Variants in RELN observed in about 807,000 individuals in gnomAD.
RELN encodes reelin.
RELN carries 108 observed loss-of-function variants against 427.6 expected under a neutral mutation model. That is an observed-to-expected ratio of 0.25 (90% confidence interval 0.22 to 0.30). RELN has a LOEUF of 0.30. RELN is among the 10% of genes least tolerant of loss of function. The pLI, the probability that RELN is intolerant of heterozygous loss-of-function variation, is 1.00. For missense variants in RELN, 3,715 were observed against 4,302.8 expected, an observed-to-expected ratio of 0.86 and a Z score of 3.82; for synonymous variants, 1,524 against 1,513.4, an observed-to-expected ratio of 1.01 and a Z score of -0.16.
At chr7:103,583,260 T>A (rs1028015269) in intron 28 of RELN, among the ~76,000 whole-genome samples, 1 of 152,170 alleles carries the variant, frequency 6.6e-6, no homozygotes, top group Non-Finnish European at 1.5e-5. Flanking sequence ...TCTCAGGGTC[T>A]CCAACTTGCA....
intron 43 of RELN, among the ~76,000 whole-genome samples, chr7:103,541,082 G>T (rs916131700): frequency 6.6e-6 from 1 of 152,090 alleles, no homozygotes; most frequent in African/African-American, 2.4e-5. Context: ...ATGAGTGTGG[G>T]GTGGTGGTGG....
At chr7:103,607,750 TG>T (rs1831852534) in intron 22 of RELN, among the ~76,000 whole-genome samples, 1 of 152,188 alleles carries the variant, frequency 6.6e-6, no homozygotes, top group Non-Finnish European at 1.5e-5. Context: ...CTGACTAAAT[TG>T]TATTTTCCAC....
chr7:103,579,925 ACTTTTT>A (rs1282857608), intron 28 of RELN, among the ~76,000 whole-genome samples: 1 of 152,088 alleles, frequency 6.6e-6, no homozygotes, highest in Non-Finnish European at 1.5e-5. Context: ...AGAGACACCC[ACTTTTT>A]TGCACTCTAC....
At position 103,663,917 on chromosome 7, in the gene RELN, T is replaced by C. The variant is rs187465350; in HGVS notation, c.1290-2390A>G. ...GTCTTATATAGAGGACTGACCTCTA[T>C]GGCCCCAGGTGCCTGTTCCCTTACT... On this transcript the variant is annotated intron_variant, in intron 11 of 64. Coordinates refer to ENST00000428762, the MANE Select transcript of RELN (RefSeq NM_005045.4). Among the ~76,000 whole-genome samples the C allele has an allele frequency of 5.1e-3, 773 of 152,316 alleles. 8 individuals are homozygous for C. The highest frequency in any genetic ancestry group is 0.017 in the African/African-American group (711 of 41,568).
intron 20 of RELN, among the ~76,000 whole-genome samples, chr7:103,616,638 A>G (rs1832085600): frequency 6.6e-6 from 1 of 152,154 alleles, no homozygotes; most frequent in Non-Finnish European, 1.5e-5. Context: ...AAATACTTCC[A>G]GACAGTTTTT....
chr7:103,915,478 A>G (rs1291754732), intron 2 of RELN, among the ~76,000 whole-genome samples: 1 of 152,050 alleles, frequency 6.6e-6, no homozygotes, highest in African/African-American at 2.4e-5. Context: ...ATTTCAAAAA[A>G]TGATCACAGG....
chr7:103,492,836 G>A (rs1341354587), intron 57 of RELN, among the ~76,000 whole-genome samples: 1 of 152,170 alleles, frequency 6.6e-6, no homozygotes, highest in Non-Finnish European at 1.5e-5. Flanking sequence ...AAGAGTGTGA[G>A]AGGTAGAGAT....
At chr7:103,754,601 C>G (rs1245707381) in intron 4 of RELN, among the ~76,000 whole-genome samples, 1 of 127,746 alleles carries the variant, frequency 7.8e-6, no homozygotes, top group Non-Finnish European at 1.8e-5. Flanking sequence ...AGTAGGAGAC[C>G]TCGTCTCTAA....
intron 4 of RELN, among the ~76,000 whole-genome samples, chr7:103,760,319 C>T (rs1791267647): frequency 6.6e-6 from 1 of 151,842 alleles, no homozygotes; most frequent in Non-Finnish European, 1.5e-5. Context: ...GTTGAGCCTG[C>T]CAGAATCTCA....
At chr7:103,575,234 A>G (rs1038301603) in intron 29 of RELN, among the ~76,000 whole-genome samples, 1 of 152,234 alleles carries the variant, frequency 6.6e-6, no homozygotes, top group African/African-American at 2.4e-5. Flanking sequence ...TTAGAATTAA[A>G]GGGGATGAAA....
At chr7:103,486,077 G>C (rs971994832) in intron 61 of RELN, 120 bp downstream of exon 61, 97 of 921,586 alleles carry the variant, frequency 1.1e-4, no homozygotes, top group Non-Finnish European at 1.7e-4. Context: ...CAAATGACAG[G>C]TTTTCACTGC....
At chr7:103,788,963 C>T (rs972628371) in intron 3 of RELN, among the ~76,000 whole-genome samples, 1 of 151,950 alleles carries the variant, frequency 6.6e-6, no homozygotes, top group Non-Finnish European at 1.5e-5. Context: ...TAACCAAAAC[C>T]GCATGGTACT....
At chr7:103,691,087 T>A (rs1833861844) in intron 10 of RELN, among the ~76,000 whole-genome samples, 1 of 152,116 alleles carries the variant, frequency 6.6e-6, no homozygotes, top group Admixed American at 6.6e-5. Context: ...AAGCTGATAG[T>A]GTTATACATC....
At chr7:103,638,791 T>C (rs934377198) in intron 17 of RELN, among the ~76,000 whole-genome samples, 1 of 152,124 alleles carries the variant, frequency 6.6e-6, no homozygotes, top group Non-Finnish European at 1.5e-5. Context: ...AAGAACAATG[T>C]CCAAAAGCAT....
rs147138635 is a variant in RELN, at chr7:103,799,757, C to T, written c.474-23130G>A. 4.6e-5 allele frequency among the ~76,000 whole-genome samples: 7 copies of T among 152,248 alleles called. No individual in the cohort carries two copies. The East Asian group carries it at 1.2e-3, about 25-fold the overall frequency. Reference sequence around the variant, plus strand: ...AATTAAGCGTTCTATTTGTGTATAGCAGAGTGGTGAAGAGCATAGGCCCTG... The same window carrying T: ...AATTAAGCGTTCTATTTGTGTATAGTAGAGTGGTGAAGAGCATAGGCCCTG... On this transcript the variant is annotated intron_variant, in intron 3 of 64. Transcript: ENST00000428762.
chr7:103,566,703 A>C lies in RELN; in HGVS notation c.4645T>G (p.Leu1549Val), dbSNP rs773218130. The stretch of plus-strand genomic sequence containing the variant: ...GGTTCCAGGAAGGACATGAAGTCCA[A>C]CTCTCGAAGCAAATGCCAGAGTATC... ...NGILWHLLRE[L>V]DFMSFLEPQI... Residue 1549 changes from leucine to valine, a missense_variant, in exon 32 of 65, where the codon TTG becomes GTG. Leu to Val is a conservative substitution (Grantham distance 32, BLOSUM62 1). Around this residue, in one of 4 missense-constraint regions of RELN, gnomAD observed 2,208 missense variants for 2,361.7 expected, o/e 0.93. Transcript: ENST00000428762. The C allele has an allele frequency of 3.1e-6, 5 of 1,614,006 alleles. No homozygotes were observed. The highest frequency in any genetic ancestry group is 4.2e-6 in the Non-Finnish European group (5 of 1,179,968).
At chr7:103,975,297 C>T (rs141172469) in intron 1 of RELN, among the ~76,000 whole-genome samples, 12 of 152,276 alleles carry the variant, frequency 7.9e-5, no homozygotes, top group Non-Finnish European at 1.8e-4. Context: ...TGTTTATGCA[C>T]CTGTTGTGTG....
At chr7:103,702,905 G>C (rs1207098488) in intron 8 of RELN, among the ~76,000 whole-genome samples, 1 of 152,150 alleles carries the variant, frequency 6.6e-6, no homozygotes, top group Non-Finnish European at 1.5e-5. Flanking sequence ...TCAGTCCTTT[G>C]AGGAAAAAGC....
rs189311927 is a variant in RELN at position 103,648,561 on chromosome 7, A to G, written c.2002+1713T>C. Among the ~76,000 whole-genome samples the G allele has an allele frequency of 5.3e-5, 8 of 152,244 alleles. No homozygotes were observed. The East Asian group carries it at 1.4e-3, about 26-fold the overall frequency. ...AATGACTAATAGCTCAAAAGCACAG[A>G]CAACAAAAACAAAAACAAAAAGACA... On this transcript the variant is annotated intron_variant, in intron 16 of 64. Coordinates refer to ENST00000428762, the MANE Select transcript of RELN (RefSeq NM_005045.4).
Sources: allele counts gnomAD v4.1 joint callset (sites outside exome capture counted in the v4.1 genomes callset), GRCh38; gene constraint gnomAD v4.1.1; regional missense constraint gnomAD v4.1.1; transcripts MANE v1.5; gene names NCBI Gene and HGNC (gene_info 2026-07-23, HGNC 2026-07-21).